The following ABCC5 variants were observed in gnomAD, a reference collection of about 807,000 sequenced individuals.
ABCC5 encodes ATP binding cassette subfamily C member 5.
ABCC5 carries 61 observed loss-of-function variants against 160.9 expected under a neutral mutation model. The observed-to-expected ratio is 0.38, with a 90% CI of 0.31 to 0.47. The LOEUF (loss-of-function observed/expected upper bound fraction) is 0.47, where lower values mean the gene tolerates loss of function less well. Ranked by LOEUF, ABCC5 falls within the 20% of genes least tolerant of loss-of-function variation. The probability of loss-of-function intolerance (pLI) is 0.99; values close to 1 mark genes in which losing one functional copy is unlikely to be tolerated. For synonymous variants in ABCC5, 666 were observed against 700.6 expected (o/e 0.95, Z 0.78); for missense variants, 1,308 against 1,813.3 (o/e 0.72, Z 5.06).
chr3:184,012,652 A>C (rs548265513), intron 2 of ABCC5, among the ~76,000 whole-genome samples: 1 of 152,344 alleles, frequency 6.6e-6, no homozygotes, highest in African/African-American at 2.4e-5. Flanking sequence ...TCCAGACTTA[A>C]CTGTTACACT....
chr3:184,010,581 C>T (rs1376493935), intron 2 of ABCC5: 2 of 152,660 alleles, frequency 1.3e-5, no homozygotes, highest in East Asian at 1.9e-4. Flanking sequence ...CCAGAAATTT[C>T]ACAGGACCAC....
At chr3:183,939,180 C>T (rs1714042247) in intron 25 of ABCC5, among the ~76,000 whole-genome samples, 1 of 152,222 alleles carries the variant, frequency 6.6e-6, no homozygotes, top group Non-Finnish European at 1.5e-5. Context: ...TGCCTGTAAT[C>T]CCAGCACTTT....
chr3:184,016,503 C>A (rs1722204446), intron 1 of ABCC5, among the ~76,000 whole-genome samples: 1 of 152,130 alleles, frequency 6.6e-6, no homozygotes, highest in Non-Finnish European at 1.5e-5. Flanking sequence ...GAAACAAAGC[C>A]CCAGTCTGAA....
At chr3:183,956,230 T>A (rs1329017974) in intron 17 of ABCC5, among the ~76,000 whole-genome samples, 1 of 148,700 alleles carries the variant, frequency 6.7e-6, no homozygotes, top group Non-Finnish European at 1.5e-5. Flanking sequence ...GTAAATCACA[T>A]CGGTTACATG....
intron 1 of ABCC5, among the ~76,000 whole-genome samples, chr3:184,016,592 C>T (rs1037730568): frequency 6.6e-6 from 1 of 152,190 alleles, no homozygotes; most frequent in African/African-American, 2.4e-5. Context: ...TTCTCGTGTC[C>T]TCCTTTAAAG....
At chr3:183,929,270 T>C (rs952096397) in intron 26 of ABCC5, among the ~76,000 whole-genome samples, 5 of 151,878 alleles carry the variant, frequency 3.3e-5, no homozygotes, top group African/African-American at 1.2e-4. Context: ...CTGTCTCTAC[T>C]AAAAATACAA....
chr3:183,984,958 T>C, intron 5 of ABCC5: 1 of 1,395,932 alleles, frequency 7.2e-7, no homozygotes, highest in South Asian at 1.2e-5. Context: ...GTGCCATTTT[T>C]CAGCACTGGG....
intron 2 of ABCC5, among the ~76,000 whole-genome samples, chr3:184,013,975 C>T (rs563450816): frequency 3.9e-5 from 6 of 152,148 alleles, no homozygotes; most frequent in African/African-American, 1.4e-4. Context: ...TGGGTTCAAG[C>T]GATTCTCGTG....
intron 9 of ABCC5, among the ~76,000 whole-genome samples, 163 bp from the exon 10 acceptor site, chr3:183,977,787 C>T (rs1718353155): frequency 6.6e-6 from 1 of 152,004 alleles, no homozygotes; most frequent in South Asian, 2.1e-4. Flanking sequence ...GAGTCTCGCT[C>T]TGTCGCCCAG....
chr3:183,936,754 C>G (rs756490050), intron 26 of ABCC5, among the ~76,000 whole-genome samples: 1 of 152,124 alleles, frequency 6.6e-6, no homozygotes, highest in Non-Finnish European at 1.5e-5. Flanking sequence ...GTGATCCGCC[C>G]GCATTGGCCT....
chr3:183,927,995 G>A (rs1347931892), intron 27 of ABCC5: 2 of 182,426 alleles, frequency 1.1e-5, no homozygotes, highest in Non-Finnish European at 2.1e-5. Context: ...GTATCAACCT[G>A]TAGACTGCAG....
intron 2 of ABCC5, among the ~76,000 whole-genome samples, chr3:184,007,311 C>T (rs1438630447): frequency 6.6e-6 from 1 of 151,830 alleles, no homozygotes; most frequent in Admixed American, 6.6e-5. Context: ...TGAGCCACCA[C>T]GCCCGGCCCA....
Position 183,951,015 on chromosome 3 carries a change from A to G in ABCC5, c.2944+426T>C, listed in dbSNP as rs1715292513. Among the ~76,000 whole-genome samples the G allele has an allele frequency of 6.6e-6, 1 of 152,212 alleles. No homozygotes were observed. The highest frequency in any genetic ancestry group is 2.4e-5 in the African/African-American group (1 of 41,446). ...GGCCTGCTGCGGGGATTAAGGTAACATGCATAAAACACTGAGCATGCTGCT... is the reference window on the plus strand; with the variant it reads ...GGCCTGCTGCGGGGATTAAGGTAACGTGCATAAAACACTGAGCATGCTGCT... On this transcript the variant is annotated intron_variant, in intron 20 of 29. Transcript: ENST00000334444. The surrounding 1 kb of genome is among the most constrained non-coding windows in gnomAD (Gnocchi z 4.7).
chr3:183,940,479 A>T (rs1292834364), intron 25 of ABCC5, among the ~76,000 whole-genome samples: 8 of 150,984 alleles, frequency 5.3e-5, no homozygotes, highest in Non-Finnish European at 7.4e-5. Flanking sequence ...AAAAAAAAAA[A>T]AAAAAAAAAT....
At chr3:183,946,668 C>T (rs1483279386) in intron 23 of ABCC5, among the ~76,000 whole-genome samples, 2 of 152,222 alleles carry the variant, frequency 1.3e-5, no homozygotes, top group Non-Finnish European at 2.9e-5. Context: ...TACCCCCACC[C>T]CCCATATTAT....
At chr3:184,014,914 T>C (rs564582890) in intron 1 of ABCC5, among the ~76,000 whole-genome samples, 3 of 152,326 alleles carry the variant, frequency 2.0e-5, no homozygotes, top group Admixed American at 2.0e-4. Context: ...ACCAATGATA[T>C]ATTCCATCTC....
Position 183,947,643 on chromosome 3 carries a change from G to C in ABCC5, c.3228-133C>G, listed in dbSNP as rs527714043. 6 of 724,886 alleles carry C rather than the reference G, an allele frequency of 8.3e-6. No homozygotes were observed. In the Admixed American group the frequency reaches 1.9e-4, roughly 23 times the overall value. The allele number at this position is 724,886 out of a possible 1,614,324, so 44.9% of individuals were successfully genotyped here. A position where few individuals can be genotyped will look rare whatever the true frequency, so the allele number is the denominator to read the frequency against. On this transcript the variant is annotated intron_variant, in intron 22 of 29. Transcript: ENST00000334444. ...TGTTTCTAACTGAGAGAATGCCCTG[G>C]AAACTCCAGGAGGGTATTCTAGGAA... is the stretch of plus-strand genomic sequence containing the variant.
intron 2 of ABCC5, among the ~76,000 whole-genome samples, chr3:183,992,737 C>T (rs930055426): frequency 6.6e-6 from 1 of 151,292 alleles, no homozygotes; most frequent in Non-Finnish European, 1.5e-5. Context: ...TGCAGTGAGC[C>T]AAGATAGCGC....
In ABCC5 at chr3:183,949,936, C is replaced by T; in HGVS notation, c.3098+36G>A. 6.2e-7 allele frequency: 1 copy of T among 1,614,000 alleles called. No homozygotes were observed. ...CACCTACCCAGCAACTGAGGCTTCT[C>T]CGTGGCCCCAGCAGACATGAACGCT... On this transcript the variant is annotated intron_variant, in intron 21 of 29. Coordinates refer to ENST00000334444, the MANE Select transcript of ABCC5 (RefSeq NM_005688.4). This position sits in a 1 kb window ranked among gnomAD's most constrained non-coding sequence, Gnocchi z 4.2.
Sources: allele counts gnomAD v4.1 joint callset (sites outside exome capture counted in the v4.1 genomes callset), GRCh38; gene constraint gnomAD v4.1.1; non-coding constraint Gnocchi (gnomAD v3.1); transcripts MANE v1.5; gene names NCBI Gene and HGNC (gene_info 2026-07-23, HGNC 2026-07-21).